The following FTO variants were observed in gnomAD, a reference collection of about 807,000 sequenced individuals.
FTO encodes the protein alpha-ketoglutarate-dependent dioxygenase FTO.
In FTO, 47 loss-of-function variants were observed where a neutral mutation model predicts 63.9. The ratio of observed to expected loss-of-function variants is 0.74; its 90% CI spans 0.58 to 0.94. FTO has a LOEUF of 0.94. Ranked by LOEUF, FTO falls within the 40% of genes least tolerant of loss-of-function variation. The pLI is 0.00. For synonymous variants in FTO, 207 were observed against 224.4 expected (o/e 0.92, Z 0.69); for missense variants, 562 against 618.1 (o/e 0.91, Z 0.96).
intron 7 of FTO, among the ~76,000 whole-genome samples, chr16:53,892,381 C>T (rs1321204774): frequency 6.6e-6 from 1 of 152,044 alleles, no homozygotes; most frequent in Non-Finnish European, 1.5e-5. Flanking sequence ...CTGTAATCTC[C>T]AAGATTCCAT....
chr16:54,078,934 C>G (rs2086069001), intron 8 of FTO, among the ~76,000 whole-genome samples: 1 of 151,994 alleles, frequency 6.6e-6, no homozygotes, highest in African/African-American at 2.4e-5. Flanking sequence ...TTATAAACTA[C>G]TCAGTGTAAT....
intron 1 of FTO, among the ~76,000 whole-genome samples, chr16:53,790,018 T>C (rs1248614601): frequency 6.7e-6 from 1 of 149,696 alleles, no homozygotes; most frequent in Non-Finnish European, 1.5e-5. Flanking sequence ...TATAGTTATA[T>C]ATACACATAA....
intron 1 of FTO, among the ~76,000 whole-genome samples, chr16:53,725,844 T>C (rs1437368832): frequency 1.3e-5 from 2 of 152,204 alleles, no homozygotes; most frequent in African/African-American, 4.8e-5. Flanking sequence ...AAAGGCTGTG[T>C]CTGATGAGGG....
intron 4 of FTO, among the ~76,000 whole-genome samples, chr16:53,859,525 C>T (rs1369298847): frequency 6.7e-6 from 1 of 148,254 alleles, no homozygotes; most frequent in African/African-American, 2.5e-5. Context: ...ATATATATCA[C>T]TGTATATTAA....
intron 7 of FTO, among the ~76,000 whole-genome samples, chr16:53,914,238 ACTT>A (rs1202094989): frequency 1.6e-4 from 24 of 150,996 alleles, no homozygotes; most frequent in Non-Finnish European, 1.2e-4. Flanking sequence ...TAGAAGAAAT[ACTT>A]CTTCTTTCTT....
At chr16:53,779,321 C>T (rs1396917498) in intron 1 of FTO, among the ~76,000 whole-genome samples, 1 of 151,846 alleles carries the variant, frequency 6.6e-6, no homozygotes. Context: ...TTTGTCTTTT[C>T]TATTAAAAAA....
At chr16:53,946,260 G>T (rs1196537238) in intron 8 of FTO, among the ~76,000 whole-genome samples, 2 of 152,190 alleles carry the variant, frequency 1.3e-5, no homozygotes, top group Non-Finnish European at 2.9e-5. Flanking sequence ...GTTCCAATGT[G>T]TTTAGAATGT....
chr16:54,053,888 G>A (rs144718438), intron 8 of FTO, among the ~76,000 whole-genome samples: 17 of 152,110 alleles, frequency 1.1e-4, no homozygotes, highest in Admixed American at 2.6e-4. Flanking sequence ...GTCATTTTTC[G>A]TAAGCAACTT....
intron 8 of FTO, among the ~76,000 whole-genome samples, chr16:53,950,755 T>C (rs1047466139): frequency 1.3e-5 from 2 of 152,212 alleles, no homozygotes; most frequent in African/African-American, 2.4e-5. Flanking sequence ...TTACTGTCTT[T>C]CCCATAGTGG....
intron 8 of FTO, among the ~76,000 whole-genome samples, chr16:53,939,663 A>T (rs1172030810): frequency 6.6e-6 from 1 of 152,114 alleles, no homozygotes; most frequent in African/African-American, 2.4e-5. Context: ...TCTACTTTTT[A>T]TCTCTACAGA....
intron 7 of FTO, among the ~76,000 whole-genome samples, chr16:53,915,200 A>G (rs187029465): frequency 6.6e-6 from 1 of 151,998 alleles, no homozygotes; most frequent in Non-Finnish European, 1.5e-5. Flanking sequence ...TTGCTTAAAA[A>G]TTTTCCCTTT....
At chr16:54,032,846 T>C (rs1227320181) in intron 8 of FTO, among the ~76,000 whole-genome samples, 2 of 152,096 alleles carry the variant, frequency 1.3e-5, no homozygotes, top group African/African-American at 4.8e-5. Flanking sequence ...CATGATCTCA[T>C]GGACAGTGAG....
intron 3 of FTO, among the ~76,000 whole-genome samples, chr16:53,842,227 A>T (rs2079498353): frequency 6.6e-6 from 1 of 152,160 alleles, no homozygotes; most frequent in East Asian, 1.9e-4. Flanking sequence ...CTAGTACAGC[A>T]GTTTAAAGTG....
intron 2 of FTO, among the ~76,000 whole-genome samples, chr16:53,814,083 C>G (rs1298989508): frequency 1.3e-5 from 2 of 152,182 alleles, no homozygotes; most frequent in African/African-American, 4.8e-5. Flanking sequence ...GGCCCATGCT[C>G]TTTCTGCTGT....
intron 1 of FTO, among the ~76,000 whole-genome samples, chr16:53,716,974 A>G (rs1428581374): frequency 6.6e-6 from 1 of 151,442 alleles, no homozygotes. Context: ...AATTAGAAAG[A>G]TAACTTGCAT....
intron 8 of FTO, among the ~76,000 whole-genome samples, chr16:54,001,775 G>A (rs1306186695): frequency 1.8e-4 from 28 of 152,130 alleles, no homozygotes; most frequent in African/African-American, 6.8e-4. Flanking sequence ...GTTGGAAATG[G>A]GACAGCCTAT....
At chr16:53,757,657 A>G (rs970372560) in intron 1 of FTO, among the ~76,000 whole-genome samples, 1 of 152,222 alleles carries the variant, frequency 6.6e-6, no homozygotes, top group Non-Finnish European at 1.5e-5. Flanking sequence ...CTATGATTTC[A>G]GAACTATGTC....
intron 8 of FTO, among the ~76,000 whole-genome samples, chr16:53,964,383 C>A (rs1035697462): frequency 6.6e-6 from 1 of 152,168 alleles, no homozygotes; most frequent in Non-Finnish European, 1.5e-5. Flanking sequence ...AGTTTACCAA[C>A]CCCTAGTTGA....
intron 7 of FTO, among the ~76,000 whole-genome samples, chr16:53,914,032 C>T (rs934512176): frequency 6.6e-6 from 1 of 151,786 alleles, no homozygotes; most frequent in East Asian, 1.9e-4. Flanking sequence ...CACAGTCCCT[C>T]GGCCTTCTCG....
Sources: gnomAD v4.1 joint callset for allele counts (sites outside exome capture counted in the v4.1 genomes callset) on GRCh38, gnomAD v4.1.1 for gene constraint, MANE v1.5 for transcripts, NCBI Gene and HGNC (gene_info 2026-07-23, HGNC 2026-07-21) for gene names.